GCLC: variants seen among roughly 807,000 people sequenced by gnomAD.
The protein encoded by GCLC is glutamate-cysteine ligase catalytic subunit.
In GCLC, 30 loss-of-function variants were observed where a neutral mutation model predicts 81.5. The ratio of observed to expected loss-of-function variants is 0.37; its 90% CI spans 0.28 to 0.50. The LOEUF (loss-of-function observed/expected upper bound fraction) is 0.50, where lower values mean the gene tolerates loss of function less well. GCLC is among the 20% of genes least tolerant of loss of function. GCLC has a pLI of 0.96. For missense variants in GCLC, 556 were observed against 777.4 expected, an observed-to-expected ratio of 0.72 and a Z score of 3.39; for synonymous variants, 262 against 273.3, an observed-to-expected ratio of 0.96 and a Z score of 0.41.
At chr6:53,533,159 T>C (rs566236350) in intron 1 of GCLC, among the ~76,000 whole-genome samples, 4 of 152,340 alleles carry the variant, frequency 2.6e-5, no homozygotes, top group Middle Eastern at 3.4e-3. Flanking sequence ...ACACCAGTGA[T>C]AACTTAGCCA....
chr6:53,532,507 C>T (rs1763190715), intron 1 of GCLC, among the ~76,000 whole-genome samples: 1 of 152,164 alleles, frequency 6.6e-6, no homozygotes. Flanking sequence ...CACTGGCAGG[C>T]CAGGGTACTA....
chr6:53,541,035 T>A (rs546432027), intron 1 of GCLC, among the ~76,000 whole-genome samples: 17 of 152,158 alleles, frequency 1.1e-4, no homozygotes, highest in African/African-American at 4.1e-4. Flanking sequence ...GCCAACATGG[T>A]GAAACCCCGA....
At chr6:53,517,078 A>ATTTTTTTT (rs1242492685) in intron 3 of GCLC, among the ~76,000 whole-genome samples, 5 of 105,166 alleles carry the variant, frequency 4.8e-5, no homozygotes, top group Non-Finnish European at 9.6e-5. Context: ...TTTAAAAAAA[A>ATTTTTTTT]ATTTTTTTTT....
chr6:53,544,233 C>A (rs1763406808), intron 1 of GCLC, among the ~76,000 whole-genome samples: 1 of 152,208 alleles, frequency 6.6e-6, no homozygotes, highest in East Asian at 1.9e-4. Flanking sequence ...CACGCCCTCC[C>A]AGCGCCCAAT....
chr6:53,530,423 T>C (rs1763152636), intron 1 of GCLC, among the ~76,000 whole-genome samples: 1 of 152,218 alleles, frequency 6.6e-6, no homozygotes, highest in Non-Finnish European at 1.5e-5. Flanking sequence ...CCTGCCATAT[T>C]TGAAATTCAT....
intron 1 of GCLC, among the ~76,000 whole-genome samples, chr6:53,535,444 G>A (rs142884827): frequency 6.6e-6 from 1 of 152,234 alleles, no homozygotes; most frequent in East Asian, 1.9e-4. Flanking sequence ...AACCTGGAAG[G>A]TGGAGGTTGC....
At chr6:53,505,281 GC>G in intron 12 of GCLC, 110 bp downstream of exon 12, 1 of 699,688 alleles carries the variant, frequency 1.4e-6, no homozygotes, top group South Asian at 1.6e-5. Flanking sequence ...ACATTTTATT[GC>G]AAAGGGTAAA....
At position 53,514,477 on chromosome 6, in the gene GCLC, C is replaced by T. The variant is rs777953091; in HGVS notation, c.581G>A (p.Arg194Gln). Residue 194 changes from arginine to glutamine, a missense_variant, in exon 5 of 16, where the codon CGA (arginine) becomes CAA (glutamine). By Grantham distance (43) the Arg-to-Gln change is conservative. Transcript: ENST00000650454. ...PRFSTLTRNI[R>Q]HRRGEKVVIN... ...GACAACCTTTTCTCCTCTCCTATGT[C>T]GGATATTTCTTGTTAAGGTACTAAA... 12 of 1,613,130 alleles carry T rather than the reference C, an allele frequency of 7.4e-6. No individual in the cohort carries two copies. The highest frequency in any genetic ancestry group is 1.6e-4 in the Middle Eastern group (1 of 6,082).
At chr6:53,536,274 T>C (rs1241493653) in intron 1 of GCLC, among the ~76,000 whole-genome samples, 1 of 152,138 alleles carries the variant, frequency 6.6e-6, no homozygotes, top group African/African-American at 2.4e-5. Flanking sequence ...AAATGCAAAC[T>C]ACAGAAAGCA....
At chr6:53,500,881 G>A in intron 12 of GCLC, 1 of 345,134 alleles carries the variant, frequency 2.9e-6, no homozygotes, top group Non-Finnish European at 5.5e-6. Flanking sequence ...AGGAGTCCCA[G>A]GGTAACGAAG....
At chr6:53,522,605 G>A (rs974195681) in intron 1 of GCLC, 78 bp from the exon 2 acceptor site, 9 of 871,730 alleles carry the variant, frequency 1.0e-5, no homozygotes, top group African/African-American at 1.7e-5. Context: ...AAAAAGGCAG[G>A]GAAACGTGAA....
chr6:53,519,982 T>C (rs1448977068), intron 3 of GCLC, among the ~76,000 whole-genome samples: 5 of 152,166 alleles, frequency 3.3e-5, no homozygotes, highest in Non-Finnish European at 7.3e-5. Flanking sequence ...GTTCAAAGTG[T>C]TCTCCACCAT....
At chr6:53,513,900 T>G in intron 6 of GCLC, 1 of 339,410 alleles carries the variant, frequency 2.9e-6, no homozygotes, top group Non-Finnish European at 5.5e-6. Context: ...AAACTAGGCA[T>G]ATAAAAAGAG....
At chr6:53,507,101 G>T in intron 9 of GCLC, 76 bp from the exon 10 acceptor site, 1 of 835,100 alleles carries the variant, frequency 1.2e-6, no homozygotes, top group Non-Finnish European at 2.1e-6. Flanking sequence ...AAGACGACAG[G>T]ATAGCTCAGG....
intron 1 of GCLC, among the ~76,000 whole-genome samples, chr6:53,530,700 G>A (rs1322152362): frequency 1.3e-5 from 2 of 152,128 alleles, no homozygotes; most frequent in African/African-American, 4.8e-5. Context: ...CATATTCAAT[G>A]GTGTCGTTTT....
rs9382215 is a variant in GCLC, at chr6:53,540,625, T to C, written c.150+3871A>G. On this transcript the variant is annotated intron_variant, in intron 1 of 15. Coordinates refer to ENST00000650454, the MANE Select transcript of GCLC (RefSeq NM_001498.4). ...GTTAACAATACTATATTTGTGCACT[T>C]AAAAATCTGTTAAGGAGGTAGAGCT... is the stretch of plus-strand genomic sequence containing the variant. Among the ~76,000 whole-genome samples, 293 of 151,226 alleles carry C rather than the reference T, an allele frequency of 1.9e-3. 15 individuals carry two copies. The East Asian group carries it at 0.049, about 25-fold the overall frequency.
chr6:53,497,805 G>A lies in GCLC; in HGVS notation c.*951C>T, dbSNP rs1292980788. 1 of 152,482 alleles carries A rather than the reference G, an allele frequency of 6.6e-6. No individual in the cohort carries two copies. The highest frequency in any genetic ancestry group is 1.5e-5 in the Non-Finnish European group (1 of 68,034). The allele number at this position is 152,482 out of a possible 1,614,324, so 9.4% of individuals were successfully genotyped here. Reference sequence around the variant, plus strand: ...TAAGCAGTATGTAGAATATTCCCCAGGTAAAATCTGGAGTGAATGGCTTTT... The same window carrying A: ...TAAGCAGTATGTAGAATATTCCCCAAGTAAAATCTGGAGTGAATGGCTTTT... On this transcript the variant is annotated 3_prime_UTR_variant, in exon 16 of 16. Transcript: ENST00000650454.
chr6:53,505,530 C>G (rs767608312), intron 11 of GCLC, 34 bp from the exon 12 acceptor site: 2 of 1,088,240 alleles, frequency 1.8e-6, no homozygotes, highest in Non-Finnish European at 2.9e-6. Flanking sequence ...AGTTATGAAC[C>G]AACTACACAA....
rs571645424 is a variant in GCLC, at chr6:53,541,135, G to A, written c.150+3361C>T. 4.6e-5 allele frequency among the ~76,000 whole-genome samples: 7 copies of A among 152,288 alleles called. No homozygotes were observed. The East Asian group carries it at 9.7e-4, about 21-fold the overall frequency. ...GGAGGCTGAGGCAGGAGAATCACTT[G>A]AACTCTGGGAGGCGGAGGTTGCGGT... On this transcript the variant is annotated intron_variant, in intron 1 of 15. Transcript: ENST00000650454.
Sources: allele counts gnomAD v4.1 joint callset (sites outside exome capture counted in the v4.1 genomes callset), GRCh38; gene constraint gnomAD v4.1.1; transcripts MANE v1.5; gene names NCBI Gene and HGNC (gene_info 2026-07-23, HGNC 2026-07-21).